Variants in PDPK1 observed in about 807,000 individuals in gnomAD.
PDPK1 encodes 3-phosphoinositide dependent protein kinase 1.
A neutral mutation model predicts 39.8 loss-of-function variants in PDPK1; 7 were observed. The ratio of observed to expected loss-of-function variants is 0.18; its 90% CI spans 0.10 to 0.33. PDPK1 has a LOEUF of 0.33. Ranked by LOEUF, PDPK1 falls within the 10% of genes least tolerant of loss-of-function variation. PDPK1 has a pLI of 1.00. For missense variants in PDPK1, 182 were observed against 384.7 expected, an observed-to-expected ratio of 0.47 and a Z score of 4.41; for synonymous variants, 118 against 159.1, an observed-to-expected ratio of 0.74 and a Z score of 1.95.
chr16:2,587,212 T>C (rs1046741317), intron 11 of PDPK1, among the ~76,000 whole-genome samples: 9 of 152,362 alleles, frequency 5.9e-5, no homozygotes, highest in African/African-American at 1.9e-4. Context: ...TTTGCTGTTG[T>C]AGCCCCTCTT....
intron 11 of PDPK1, among the ~76,000 whole-genome samples, chr16:2,595,231 C>T (rs1324258984): frequency 2.0e-5 from 3 of 152,082 alleles, no homozygotes; most frequent in African/African-American, 7.2e-5. Flanking sequence ...GAATTTCTGC[C>T]GTCTCTGAAT....
intron 7 of PDPK1, chr16:2,579,357 C>G (rs2066775785): frequency 1.1e-5 from 1 of 91,828 alleles, no homozygotes; most frequent in African/African-American, 4.6e-5. Flanking sequence ...GCTAGCGTTT[C>G]CTCGTTTGTA....
At chr16:2,538,265 G>T in intron 1 of PDPK1, 129 bp downstream of exon 1, 1 of 356,220 alleles carries the variant, frequency 2.8e-6, no homozygotes, top group Non-Finnish European at 4.0e-6. Flanking sequence ...GCAGCCGGGC[G>T]GCCGGGCCGG....
At chr16:2,538,908 T>C (rs142487593) in intron 1 of PDPK1, 6,866 of 528,442 alleles carry the variant, frequency 0.013, 61 homozygotes, top group Middle Eastern at 0.018. Flanking sequence ...TTCCATATGC[T>C]AAGTTCTACA....
chr16:2,588,406 A>C (rs1344014238), intron 11 of PDPK1, among the ~76,000 whole-genome samples: 1 of 152,132 alleles, frequency 6.6e-6, no homozygotes, highest in African/African-American at 2.4e-5. Flanking sequence ...GTCCCCACGA[A>C]GGGCTGCTGT....
Position 2,598,283 on chromosome 16 carries a change from T to A in PDPK1, c.*516T>A, listed in dbSNP as rs559554679. ...AGCTTTGTGGAGGGAGCCGCCGTGC[T>A]TCTGTCACCTGCTCCCTTTCTTGCG... On this transcript the variant is annotated 3_prime_UTR_variant, in exon 14 of 14. Transcript: ENST00000342085. 1,041 of 234,086 alleles carry A rather than the reference T, an allele frequency of 4.4e-3. 3 individuals are homozygous for A. The highest frequency in any genetic ancestry group is 6.5e-3 in the Non-Finnish European group (769 of 118,594). The allele number at this position is 234,086 out of a possible 1,614,324, so 14.5% of individuals were successfully genotyped here.
chr16:2,542,750 C>T (rs1352320379), intron 1 of PDPK1, among the ~76,000 whole-genome samples: 10 of 152,190 alleles, frequency 6.6e-5, no homozygotes, highest in Admixed American at 1.3e-4. Flanking sequence ...GCTTGTAGCA[C>T]GCAGGGATTC....
At chr16:2,542,233 C>T (rs1425900137) in intron 1 of PDPK1, among the ~76,000 whole-genome samples, 2 of 152,218 alleles carry the variant, frequency 1.3e-5, no homozygotes, top group Admixed American at 1.3e-4. Flanking sequence ...GATTTTGGCT[C>T]ACTGCAACCT....
intron 11 of PDPK1, among the ~76,000 whole-genome samples, chr16:2,589,778 T>C (rs908916744): frequency 4.6e-5 from 7 of 151,902 alleles, no homozygotes; most frequent in African/African-American, 1.7e-4. Flanking sequence ...TTCAAAAATA[T>C]GTGTGATGAG....
At chr16:2,545,881 A>G (rs562882975) in intron 1 of PDPK1, among the ~76,000 whole-genome samples, 3 of 152,130 alleles carry the variant, frequency 2.0e-5, no homozygotes, top group South Asian at 4.2e-4. Flanking sequence ...AAGTGATCCT[A>G]CCACCTGCTC....
chr16:2,596,034 C>T (rs569299272), intron 12 of PDPK1, among the ~76,000 whole-genome samples, 184 bp downstream of exon 12: 5 of 152,178 alleles, frequency 3.3e-5, no homozygotes, highest in South Asian at 2.1e-4. Flanking sequence ...GAGCCACACG[C>T]GTAGGCGGTT....
At chr16:2,544,623 G>A (rs1034731958) in intron 1 of PDPK1, among the ~76,000 whole-genome samples, 8 of 151,258 alleles carry the variant, frequency 5.3e-5, no homozygotes, top group Middle Eastern at 3.4e-3. Flanking sequence ...TCGCTCTGTC[G>A]CCCAAGTTGG....
rs1050437371 is a variant in PDPK1 at position 2,601,711 on chromosome 16, C to T, written c.*3944C>T. 4.7e-5 allele frequency: 10 copies of T among 212,748 alleles called. No homozygotes were observed. Among genetic ancestry groups the T allele is most frequent in the Admixed American group, 3.0e-4 (5 of 16,740 alleles). The allele number at this position is 212,748 out of a possible 1,614,324, so 13.2% of individuals were successfully genotyped here. A position where few individuals can be genotyped will look rare whatever the true frequency, so the allele number is the denominator to read the frequency against. ...TCTCCCCCTTCCACCCGTGGGGCCC[C>T]ACCTTCAGGTCTTAGTGGTTCACAA... On this transcript the variant is annotated 3_prime_UTR_variant, in exon 14 of 14. Transcript: ENST00000342085.
chr16:2,545,018 C>T (rs546661847), intron 1 of PDPK1, among the ~76,000 whole-genome samples: 14 of 151,296 alleles, frequency 9.3e-5, no homozygotes, highest in South Asian at 8.4e-4. Flanking sequence ...TCATCACATC[C>T]GAGATAGCAT....
chr16:2,538,699 T>A, intron 1 of PDPK1: 3 of 1,286,904 alleles, frequency 2.3e-6, no homozygotes, highest in Non-Finnish European at 3.0e-6. Context: ...TGCCCGTGGC[T>A]GTGCTCAGCG....
Position 2,598,478 on chromosome 16 carries a change from G to A in PDPK1, c.*711G>A, listed in dbSNP as rs541712873. On this transcript the variant is annotated 3_prime_UTR_variant, in exon 14 of 14. Coordinates refer to ENST00000342085, the MANE Select transcript of PDPK1 (RefSeq NM_002613.5). ...AGGCTGCCGAGTGGAGGGTGCCATC[G>A]AGGGCTCCGGATCCCTTATCCTACT... is the stretch of plus-strand genomic sequence containing the variant. 1.3e-5 allele frequency: 3 copies of A among 233,730 alleles called. No homozygotes were observed. The highest frequency in any genetic ancestry group is 2.5e-5 in the Non-Finnish European group (3 of 118,386). 14.5% of individuals were successfully genotyped at this position (233,730 alleles called of 1,614,324 possible).
chr16:2,591,945 GAGGGGC>G (rs2066997808), intron 11 of PDPK1, among the ~76,000 whole-genome samples: 2 of 152,208 alleles, frequency 1.3e-5, no homozygotes, highest in Admixed American at 6.5e-5. Context: ...TAAAGAGTGT[GAGGGGC>G]CATAGGACTG....
At chr16:2,585,049 G>C (rs1000587670) in intron 10 of PDPK1, among the ~76,000 whole-genome samples, 8 of 152,236 alleles carry the variant, frequency 5.3e-5, no homozygotes, top group Non-Finnish European at 1.0e-4. Context: ...GTGCTCCATT[G>C]CTCCCAGGGA....
rs2067120732 is a variant in PDPK1, at chr16:2,597,186, C to G, written c.1465C>G (p.Pro489Ala). The G allele has an allele frequency of 1.3e-6, 2 of 1,592,084 alleles. No homozygotes were observed. Among genetic ancestry groups the G allele is most frequent in the East Asian group, 2.3e-5 (1 of 44,136 alleles). ...TEGPHLYYVD[P>A]VNKVLKGEIP... ...AGGACCACATTTATATTATGTGGATCCTGTCAACAAAGTTCTGAAAGGTGA... is the reference window on the plus strand; with the variant it reads ...AGGACCACATTTATATTATGTGGATGCTGTCAACAAAGTTCTGAAAGGTGA... Residue 489 changes from proline (P) to alanine (A), a missense_variant, in exon 13 of 14, where the codon CCT (proline) becomes GCT (alanine). Around this residue, in one of 5 missense-constraint regions of PDPK1, gnomAD observed 67 missense variants for 87.8 expected, o/e 0.76. Coordinates refer to ENST00000342085, the MANE Select transcript of PDPK1 (RefSeq NM_002613.5). The surrounding 1 kb of genome is among the most constrained non-coding windows in gnomAD (Gnocchi z 6.3).
Sources: gnomAD v4.1 joint callset for allele counts (sites outside exome capture counted in the v4.1 genomes callset) on GRCh38, gnomAD v4.1.1 for gene constraint, gnomAD v4.1.1 regional missense constraint, Gnocchi (gnomAD v3.1) non-coding constraint, MANE v1.5 for transcripts, NCBI Gene and HGNC (gene_info 2026-07-23, HGNC 2026-07-21) for gene names.